The following TAFA2 variants were observed in gnomAD, a reference collection of about 807,000 sequenced individuals.
The protein encoded by TAFA2 is chemokine-like protein TAFA-2.
TAFA2 carries 7 observed loss-of-function variants against 18.8 expected under a neutral mutation model. The ratio of observed to expected loss-of-function variants is 0.37; its 90% CI spans 0.21 to 0.70. The LOEUF is 0.70. Among genes scored for constraint, TAFA2 ranks in the 30% least tolerant of loss-of-function variants. TAFA2 has a pLI of 0.53. For missense variants in TAFA2, 122 were observed against 158.1 expected, an observed-to-expected ratio of 0.77 and a Z score of 1.23; for synonymous variants, 60 against 54.2, an observed-to-expected ratio of 1.11 and a Z score of -0.47.
At chr12:62,174,374 G>C (rs2062498648) in intron 1 of TAFA2, among the ~76,000 whole-genome samples, 1 of 152,052 alleles carries the variant, frequency 6.6e-6, no homozygotes, top group Admixed American at 6.6e-5. Context: ...ACAGGCTGCT[G>C]GGGAACACCA....
chr12:61,814,208 G>T (rs186537711), intron 2 of TAFA2, among the ~76,000 whole-genome samples: 4 of 151,430 alleles, frequency 2.6e-5, no homozygotes, highest in Admixed American at 1.3e-4. Flanking sequence ...AAGAGCATTT[G>T]TGCCAGAGGG....
intron 4 of TAFA2, among the ~76,000 whole-genome samples, chr12:61,728,736 T>G (rs1369982087): frequency 6.6e-6 from 1 of 152,038 alleles, no homozygotes; most frequent in South Asian, 2.1e-4. Flanking sequence ...ATACATTCAA[T>G]GCGAATATTA....
At chr12:61,926,448 T>C (rs746065896) in intron 1 of TAFA2, among the ~76,000 whole-genome samples, 3 of 152,136 alleles carry the variant, frequency 2.0e-5, no homozygotes, top group Non-Finnish European at 2.9e-5. Flanking sequence ...AAATCCTCAA[T>C]AAAATACGGG....
intron 1 of TAFA2, among the ~76,000 whole-genome samples, chr12:62,067,673 T>C (rs1198811910): frequency 2.6e-5 from 4 of 152,106 alleles, no homozygotes; most frequent in Non-Finnish European, 4.4e-5. Flanking sequence ...CACTGATCTA[T>C]GTCTGTTTTT....
At chr12:61,764,194 A>G (rs1869684244) in intron 2 of TAFA2, among the ~76,000 whole-genome samples, 1 of 150,694 alleles carries the variant, frequency 6.6e-6, no homozygotes, top group African/African-American at 2.4e-5. Context: ...AATTACAATA[A>G]AGGAGAAATG....
At chr12:61,880,602 A>G (rs1190187925) in intron 1 of TAFA2, 1 of 431,226 alleles carries the variant, frequency 2.3e-6, no homozygotes, top group East Asian at 6.0e-5. Context: ...AGCTCGGCCT[A>G]TGGGGGCCTC....
chr12:62,114,943 C>T (rs926047597), intron 1 of TAFA2, among the ~76,000 whole-genome samples: 3 of 152,088 alleles, frequency 2.0e-5, no homozygotes, highest in African/African-American at 7.2e-5. Flanking sequence ...TTACATGGGC[C>T]ATATTCTAAT....
chr12:62,106,984 A>G (rs1272096357), intron 1 of TAFA2, among the ~76,000 whole-genome samples: 6 of 152,120 alleles, frequency 3.9e-5, no homozygotes, highest in African/African-American at 1.4e-4. Context: ...ATAGGTCAAG[A>G]CAAAATTCCA....
At chr12:61,814,945 G>A (rs1872017286) in intron 2 of TAFA2, among the ~76,000 whole-genome samples, 1 of 151,484 alleles carries the variant, frequency 6.6e-6, no homozygotes. Context: ...ACAAAGCCCT[G>A]CTAACATCTT....
At chr12:62,184,916 A>C (rs1420405691) in intron 1 of TAFA2, among the ~76,000 whole-genome samples, 1 of 152,210 alleles carries the variant, frequency 6.6e-6, no homozygotes, top group Admixed American at 6.5e-5. Context: ...ATTTATTGTT[A>C]GAGCTACAAA....
At chr12:61,950,074 C>T (rs1878413070) in intron 1 of TAFA2, among the ~76,000 whole-genome samples, 1 of 152,104 alleles carries the variant, frequency 6.6e-6, no homozygotes, top group Admixed American at 6.6e-5. Context: ...AAGTTTCATC[C>T]ATGTTGTCAC....
At chr12:61,747,396 C>T (rs981004101) in intron 4 of TAFA2, among the ~76,000 whole-genome samples, 6 of 146,760 alleles carry the variant, frequency 4.1e-5, no homozygotes, top group Non-Finnish European at 3.0e-5. Flanking sequence ...AATCATGCTG[C>T]TATAAAGACA....
At chr12:62,021,632 T>C (rs2136730348) in intron 1 of TAFA2, 2 of 1,145,268 alleles carry the variant, frequency 1.7e-6, no homozygotes, top group East Asian at 4.7e-5. Context: ...TGTTCTGAGA[T>C]GGGGTGGTGT....
intron 1 of TAFA2, among the ~76,000 whole-genome samples, chr12:62,042,216 G>A (rs750905243): frequency 5.3e-5 from 8 of 151,912 alleles, no homozygotes; most frequent in Non-Finnish European, 8.8e-5. Context: ...GCAAAAGCAC[G>A]TAAATACTCA....
chr12:62,048,814 A>G (rs373876778), intron 1 of TAFA2, among the ~76,000 whole-genome samples: 7 of 152,208 alleles, frequency 4.6e-5, no homozygotes, highest in East Asian at 1.9e-4. Context: ...TAGTTACTGC[A>G]TAGCAAATGA....
chr12:62,037,589 A>T (rs892957787), intron 1 of TAFA2, among the ~76,000 whole-genome samples: 1 of 152,220 alleles, frequency 6.6e-6, no homozygotes, highest in Non-Finnish European at 1.5e-5. Context: ...TTACAAATAC[A>T]TATGCCCACG....
intron 1 of TAFA2, among the ~76,000 whole-genome samples, chr12:61,909,938 C>A (rs1876527981): frequency 6.6e-6 from 1 of 152,092 alleles, no homozygotes. Flanking sequence ...ATACATTTAA[C>A]TAATAATTAT....
At chr12:61,782,114 T>C (rs1592384910) in intron 2 of TAFA2, among the ~76,000 whole-genome samples, 2 of 151,580 alleles carry the variant, frequency 1.3e-5, no homozygotes, top group African/African-American at 4.8e-5. Context: ...GTATAAAATA[T>C]AAACGAAATT....
chr12:62,112,161 G>T (rs949274797), intron 1 of TAFA2, among the ~76,000 whole-genome samples: 1 of 152,018 alleles, frequency 6.6e-6, no homozygotes, highest in African/African-American at 2.4e-5. Context: ...CTTCCTTCAG[G>T]AGCTCTTGTA....
Sources: allele counts gnomAD v4.1 joint callset (sites outside exome capture counted in the v4.1 genomes callset), GRCh38; gene constraint gnomAD v4.1.1; transcripts MANE v1.5; gene names NCBI Gene and HGNC (gene_info 2026-07-23, HGNC 2026-07-21).